Variants in CNOT6 observed in about 807,000 individuals in gnomAD.
CNOT6 encodes the protein CCR4-NOT transcription complex subunit 6.
CNOT6 carries 12 observed loss-of-function variants against 61.2 expected under a neutral mutation model. That is an observed-to-expected ratio of 0.20 (90% CI 0.13 to 0.32). The LOEUF (loss-of-function observed/expected upper bound fraction) is 0.32. Among genes scored for constraint, CNOT6 ranks in the 10% least tolerant of loss-of-function variants. CNOT6 has a pLI of 1.00. For synonymous variants in CNOT6, 225 were observed against 240.6 expected (o/e 0.94, Z 0.60); for missense variants, 405 against 663.9 (o/e 0.61, Z 4.28).
At chr5:180,526,147 G>A (rs569672931) in intron 1 of CNOT6, among the ~76,000 whole-genome samples, 2 of 152,286 alleles carry the variant, frequency 1.3e-5, no homozygotes, top group African/African-American at 2.4e-5. Flanking sequence ...AAACACTTAC[G>A]AACTTGAATG....
At chr5:180,536,408 CATT>C (rs1407057798) in intron 2 of CNOT6, among the ~76,000 whole-genome samples, 3 of 151,960 alleles carry the variant, frequency 2.0e-5, no homozygotes, top group Non-Finnish European at 2.9e-5. Flanking sequence ...TGTTAATTAT[CATT>C]ATTATTATTT....
intron 2 of CNOT6, among the ~76,000 whole-genome samples, chr5:180,543,236 A>G (rs1759135928): frequency 6.6e-6 from 1 of 151,810 alleles, no homozygotes; most frequent in African/African-American, 2.4e-5. Context: ...ATTTTTTGTG[A>G]TTTTAATAGA....
chr5:180,514,875 A>G (rs1341371926), intron 1 of CNOT6, among the ~76,000 whole-genome samples: 1 of 152,188 alleles, frequency 6.6e-6, no homozygotes, highest in Non-Finnish European at 1.5e-5. Context: ...TTGTGAAGAA[A>G]AAAATAGACC....
chr5:180,575,807 G>A lies in CNOT6; in HGVS notation c.*1607G>A, dbSNP rs995016895. On this transcript the variant is annotated 3_prime_UTR_variant, in exon 12 of 12. Coordinates refer to ENST00000261951, the MANE Select transcript of CNOT6 (RefSeq NM_001370472.1). Reference sequence around the variant, plus strand: ...ACTGCAGGCAGGGGAGCAAAAGGACGCCATGTGAGCATTAGGAAAAAAAAT... The same window carrying A: ...ACTGCAGGCAGGGGAGCAAAAGGACACCATGTGAGCATTAGGAAAAAAAAT... The A allele has an allele frequency of 6.6e-5, 10 of 152,336 alleles. No homozygotes were observed. The highest frequency in any genetic ancestry group is 4.2e-4 in the South Asian group (2 of 4,806). 9.4% of individuals were successfully genotyped at this position (152,336 alleles called of 1,614,324 possible).
intron 2 of CNOT6, among the ~76,000 whole-genome samples, chr5:180,538,735 G>A (rs1317887223): frequency 1.4e-5 from 2 of 142,476 alleles, no homozygotes; most frequent in Non-Finnish European, 3.1e-5. Flanking sequence ...TTAGCCAGGT[G>A]TGGTAGTGTG....
chr5:180,577,163 A>ATGTGTGTGTGCGTG lies in CNOT6; in HGVS notation c.*2973_*2974insCGTGTGTGTGTGTG, dbSNP rs1554104995. The ATGTGTGTGTGCGTG allele has an allele frequency of 6.2e-5, 9 of 145,656 alleles. No homozygotes were observed. The highest frequency in any genetic ancestry group is 2.3e-4 in the African/African-American group (9 of 39,318). 9.0% of individuals were successfully genotyped at this position (145,656 alleles called of 1,614,324 possible). On this transcript the variant is annotated 3_prime_UTR_variant, in exon 12 of 12. Transcript: ENST00000261951. ...AGATAGGCAGAGAACATCTCCAGAA[A>ATGTGTGTGTGCGTG]TGTGTGTGTGTGTGTGTGTGTGTGT...
chr5:180,572,038 T>C (rs975984604), intron 11 of CNOT6, among the ~76,000 whole-genome samples: 2 of 152,232 alleles, frequency 1.3e-5, no homozygotes, highest in African/African-American at 4.8e-5. Context: ...ATATTCTCAT[T>C]ACTAATAGCT....
rs531374913 is a variant in CNOT6 at position 180,538,200 on chromosome 5, G to A, written c.112+8812G>A. On this transcript the variant is annotated intron_variant, in intron 2 of 11. Transcript: ENST00000261951. Reference sequence around the variant, plus strand: ...ACTACAGGTGCCCGCCACAACTGCCGGCTAATTTATTGTATTTTTTAGTAG... The same window carrying A: ...ACTACAGGTGCCCGCCACAACTGCCAGCTAATTTATTGTATTTTTTAGTAG... Among the ~76,000 whole-genome samples, 78 of 151,628 alleles carry A rather than the reference G, an allele frequency of 5.1e-4. No individual in the cohort carries two copies. In the Middle Eastern group the frequency reaches 0.01, roughly 20 times the overall value.
At chr5:180,514,105 G>A (rs1467543295) in intron 1 of CNOT6, among the ~76,000 whole-genome samples, 1 of 152,020 alleles carries the variant, frequency 6.6e-6, no homozygotes, top group African/African-American at 2.4e-5. Flanking sequence ...TGGGATTACA[G>A]GTTTGAGCCA....
At chr5:180,533,322 A>ATATC (rs1256308717) in intron 2 of CNOT6, among the ~76,000 whole-genome samples, 1 of 63,682 alleles carries the variant, frequency 1.6e-5, no homozygotes, top group Non-Finnish European at 5.0e-5. Context: ...CTATATATAT[A>ATATC]TATATATATA....
At chr5:180,504,985 A>T (rs1275064177) in intron 1 of CNOT6, among the ~76,000 whole-genome samples, 2 of 118,964 alleles carry the variant, frequency 1.7e-5, no homozygotes, top group Non-Finnish European at 3.4e-5. Context: ...TTTGAGACGA[A>T]GTCTTGCTCT....
intron 1 of CNOT6, among the ~76,000 whole-genome samples, chr5:180,503,696 C>T (rs941702641): frequency 4.7e-5 from 7 of 149,106 alleles, no homozygotes; most frequent in Non-Finnish European, 1.0e-4. Context: ...ACCTCTGCAT[C>T]CCGGGTTCAA....
chr5:180,512,010 G>GA (rs1757421695), intron 1 of CNOT6, among the ~76,000 whole-genome samples: 2 of 152,108 alleles, frequency 1.3e-5, no homozygotes, highest in Non-Finnish European at 2.9e-5. Context: ...TTTGAAATTT[G>GA]TAGTTTCATT....
intron 1 of CNOT6, among the ~76,000 whole-genome samples, chr5:180,527,683 T>C (rs1019066277): frequency 3.9e-5 from 6 of 152,188 alleles, no homozygotes; most frequent in African/African-American, 1.4e-4. Context: ...TGGTGTCTTA[T>C]TGGGAAGCAC....
chr5:180,495,943 A>T (rs1263532858), intron 1 of CNOT6, among the ~76,000 whole-genome samples: 2 of 152,076 alleles, frequency 1.3e-5, no homozygotes, highest in East Asian at 1.9e-4. Context: ...ACAGGATCTC[A>T]CTCTGTCACC....
intron 1 of CNOT6, among the ~76,000 whole-genome samples, chr5:180,517,466 T>C (rs1006394005): frequency 1.3e-5 from 2 of 152,068 alleles, no homozygotes; most frequent in South Asian, 2.1e-4. Flanking sequence ...ATGGGAATTA[T>C]AAAATGATGT....
chr5:180,530,791 A>C (rs1218067761), intron 2 of CNOT6, among the ~76,000 whole-genome samples: 2 of 152,192 alleles, frequency 1.3e-5, no homozygotes, highest in Admixed American at 6.5e-5. Flanking sequence ...GCTGCCTTCA[A>C]GCATCTGTTT....
At chr5:180,543,457 A>G (rs1325905138) in intron 2 of CNOT6, among the ~76,000 whole-genome samples, 1 of 152,224 alleles carries the variant, frequency 6.6e-6, no homozygotes, top group East Asian at 1.9e-4. Flanking sequence ...AGTGTATGTA[A>G]CTATTTCATT....
chr5:180,532,553 A>C (rs1372686989), intron 2 of CNOT6, among the ~76,000 whole-genome samples: 1 of 152,174 alleles, frequency 6.6e-6, no homozygotes. Context: ...ACACAAAAGA[A>C]GACTTCTGTG....
Sources: gnomAD v4.1 joint callset for allele counts (sites outside exome capture counted in the v4.1 genomes callset) on GRCh38, gnomAD v4.1.1 for gene constraint, MANE v1.5 for transcripts, NCBI Gene and HGNC (gene_info 2026-07-23, HGNC 2026-07-21) for gene names.